The following CTDSP2 variants were observed in gnomAD, a reference collection of about 807,000 sequenced individuals.
CTDSP2 encodes the protein carboxy-terminal domain RNA polymerase II polypeptide A small phosphatase 2.
A neutral mutation model predicts 31.6 loss-of-function variants in CTDSP2; 9 were observed. That is an observed-to-expected ratio of 0.28 (90% confidence interval 0.17 to 0.50). The LOEUF (loss-of-function observed/expected upper bound fraction) is 0.50. Among genes scored for constraint, CTDSP2 ranks in the 20% least tolerant of loss-of-function variants. The pLI is 0.98. For synonymous variants in CTDSP2, 134 were observed against 134.5 expected (o/e 1.00, Z 0.03); for missense variants, 267 against 348.5 (o/e 0.77, Z 1.86).
rs373350059 is a variant in CTDSP2, at chr12:57,824,043, C to T, written c.551G>A (p.Arg184Gln). The T allele has an allele frequency of 2.0e-5, 33 of 1,614,054 alleles. No individual in the cohort carries two copies. The highest frequency in any genetic ancestry group is 2.8e-5 in the Non-Finnish European group (33 of 1,180,000). ...GCAAGACTCACGGAATAGGCGGGCC[C>T]GGAACACCCCACACCGGTCCAGCAG... ...TDLLDRCGVF[R>Q]ARLFRESCVF... The change falls in exon 7 of 8, where the codon CGG (arginine) becomes CAG (glutamine). Residue 184 changes from arginine to glutamine, a missense_variant. Physicochemically the swap from Arg to Gln is conservative, Grantham distance 43. Around this residue, in one of 2 missense-constraint regions of CTDSP2, gnomAD observed 156 missense variants for 241.3 expected, o/e 0.65. Transcript: ENST00000398073.
chr12:57,835,014 C>T (rs890884555), intron 1 of CTDSP2, among the ~76,000 whole-genome samples: 2 of 151,262 alleles, frequency 1.3e-5, no homozygotes, highest in East Asian at 1.9e-4. Context: ...CCCAGCTACT[C>T]GGGAGGCTGA....
At chr12:57,833,889 T>C (rs1261843846) in intron 1 of CTDSP2, among the ~76,000 whole-genome samples, 2 of 152,250 alleles carry the variant, frequency 1.3e-5, no homozygotes, top group East Asian at 3.8e-4. Flanking sequence ...AGGTCTGCGT[T>C]AGACACTTGA....
intron 1 of CTDSP2, among the ~76,000 whole-genome samples, chr12:57,834,144 C>T (rs1222448102): frequency 6.6e-6 from 1 of 152,072 alleles, no homozygotes; most frequent in Non-Finnish European, 1.5e-5. Flanking sequence ...TGTAGGGGCA[C>T]TCTCAAGGTC....
chr12:57,826,426 T>C (rs1243903478), intron 4 of CTDSP2, 24 bp from the exon 5 acceptor site: 1 of 1,612,936 alleles, frequency 6.2e-7, no homozygotes, highest in Non-Finnish European at 8.5e-7. Context: ...AAGTTAATGC[T>C]GTCAGCATGG....
At chr12:57,846,195 A>AC (rs1213868093) in intron 1 of CTDSP2, among the ~76,000 whole-genome samples, 177 bp downstream of exon 1, 2 of 151,666 alleles carry the variant, frequency 1.3e-5, no homozygotes, top group African/African-American at 4.9e-5. Flanking sequence ...TCCCCGTGCA[A>AC]CCCCCACGGA....
rs1424840470 is a variant in CTDSP2 at position 57,824,041 on chromosome 12, C to T, written c.553G>A (p.Ala185Thr). The T allele has an allele frequency of 1.2e-6, 2 of 1,614,068 alleles. No individual in the cohort carries two copies. Among genetic ancestry groups the T allele is most frequent in the East Asian group, 4.5e-5 (2 of 44,882 alleles). ...DLLDRCGVFRARLFRESCVFH... is the reference protein window; with the variant it reads ...DLLDRCGVFRTRLFRESCVFH... ...ACGCAAGACTCACGGAATAGGCGGG[C>T]CCGGAACACCCCACACCGGTCCAGC... Residue 185 changes from alanine to threonine, a missense_variant, in exon 7 of 8, where the codon GCC (alanine) becomes ACC (threonine). Physicochemically the swap from Ala to Thr is moderately conservative, Grantham distance 58. Transcript: ENST00000398073.
At position 57,828,617 on chromosome 12, in the gene CTDSP2, C is replaced by T. The variant is rs1595189196; in HGVS notation, c.213+831G>A. Among the ~76,000 whole-genome samples the T allele has an allele frequency of 3.9e-5, 6 of 152,334 alleles. No individual in the cohort carries two copies. The South Asian group carries it at 1.2e-3, about 32-fold the overall frequency. On this transcript the variant is annotated intron_variant, in intron 2 of 7. Coordinates refer to ENST00000398073, the MANE Select transcript of CTDSP2 (RefSeq NM_005730.4). ...CTTAATGTTGCAACTCAATACTTCT[C>T]CATGTTATTGAGAACTCTGTAAAAG...
At chr12:57,836,419 G>A (rs376958987) in intron 1 of CTDSP2, among the ~76,000 whole-genome samples, 89 of 152,264 alleles carry the variant, frequency 5.8e-4, no homozygotes, top group African/African-American at 2.1e-3. Context: ...CAGCACTTTG[G>A]GAAGCTGGGC....
At chr12:57,838,859 T>C (rs1956263827) in intron 1 of CTDSP2, among the ~76,000 whole-genome samples, 1 of 152,192 alleles carries the variant, frequency 6.6e-6, no homozygotes, top group Admixed American at 6.5e-5. Flanking sequence ...AACAAAAGCT[T>C]TGTAAGTGTC....
intron 1 of CTDSP2, 122 bp downstream of exon 1, chr12:57,846,250 G>A (rs1956315422): frequency 1.6e-5 from 14 of 871,886 alleles, no homozygotes; most frequent in Admixed American, 5.0e-5. Context: ...GACCGGAGGG[G>A]TCCAGTCGGG....
chr12:57,833,793 T>G (rs747497454), intron 1 of CTDSP2, among the ~76,000 whole-genome samples: 1 of 152,192 alleles, frequency 6.6e-6, no homozygotes, highest in African/African-American at 2.4e-5. Context: ...GAGAGGAAGG[T>G]GAGCACTGAG....
chr12:57,826,860 C>G, intron 4 of CTDSP2, 136 bp downstream of exon 4: 1 of 672,896 alleles, frequency 1.5e-6, no homozygotes, highest in South Asian at 1.9e-5. Context: ...CACAGGGTGG[C>G]CAAAATGCCA....
rs1168276394 is a variant in CTDSP2, at chr12:57,823,395, A to T, written c.*207T>A. 1 of 595,884 alleles carries T rather than the reference A, an allele frequency of 1.7e-6. No individual in the cohort carries two copies. Among genetic ancestry groups the T allele is most frequent in the Non-Finnish European group, 3.0e-6 (1 of 336,368 alleles). 36.9% of individuals were successfully genotyped at this position (595,884 alleles called of 1,614,324 possible). A position where few individuals can be genotyped will look rare whatever the true frequency, so the allele number is the denominator to read the frequency against. ...CTCACAGTCAAACACACATCTCAAC[A>T]AGTTGGCGGCAGGTAGCTCTGGGTA... On this transcript the variant is annotated 3_prime_UTR_variant, in exon 8 of 8. Transcript: ENST00000398073.
At chr12:57,826,900 C>A in intron 4 of CTDSP2, 96 bp downstream of exon 4, 1 of 988,124 alleles carries the variant, frequency 1.0e-6, no homozygotes, top group Non-Finnish European at 1.5e-6. Context: ...TCTAATCACT[C>A]TTCTTTCCTC....
Position 57,826,997 on chromosome 12 carries a change from TTAAAGGAGC to T in CTDSP2, c.344_352del (p.Ser115_Phe117del). 1 of 1,610,144 alleles carries T rather than the reference TTAAAGGAGC, an allele frequency of 6.2e-7. No homozygotes were observed. Among genetic ancestry groups the T allele is most frequent in the Non-Finnish European group, 8.5e-7 (1 of 1,177,198 alleles). Reference sequence around the variant, plus strand: ...GAAGGGTTCCAGACATTGAGTTACCTTAAAGGAGCTATGCACAAGGGTTTCATCGAGGTC... The same window carrying T: ...GAAGGGTTCCAGACATTGAGTTACCTTATGCACAAGGGTTTCATCGAGGTC... On this transcript the variant is annotated inframe_deletion and splice_region_variant, in exon 4 of 8. Transcript: ENST00000398073.
At chr12:57,825,184 G>T (rs868530582) in intron 5 of CTDSP2, among the ~76,000 whole-genome samples, 7 of 152,018 alleles carry the variant, frequency 4.6e-5, no homozygotes, top group Non-Finnish European at 1.0e-4. Context: ...CATTACTCCC[G>T]AGCTCAAAGA....
chr12:57,829,372 C>T (rs1252705273), intron 2 of CTDSP2, 76 bp downstream of exon 2: 19 of 1,529,190 alleles, frequency 1.2e-5, no homozygotes, highest in Middle Eastern at 2.2e-4. Context: ...CTTCCTTGTC[C>T]GGTTGCCATC....
intron 2 of CTDSP2, 104 bp from the exon 3 acceptor site, chr12:57,827,694 AC>A: frequency 9.0e-7 from 1 of 1,107,276 alleles, no homozygotes. Flanking sequence ...TCTCCCCCAG[AC>A]CCAGCCACCT....
intron 1 of CTDSP2, among the ~76,000 whole-genome samples, chr12:57,832,790 TAAAAAAAAAAAAAAA>T (rs61390174): frequency 6.7e-5 from 3 of 44,898 alleles, no homozygotes; most frequent in African/African-American, 8.6e-5. Context: ...AGACTCTGGC[TAAAAAAAAAAAAAAA>T]AAAAAAAAAA....
Sources: allele counts gnomAD v4.1 joint callset (sites outside exome capture counted in the v4.1 genomes callset), GRCh38; gene constraint gnomAD v4.1.1; regional missense constraint gnomAD v4.1.1; transcripts MANE v1.5; gene names NCBI Gene and HGNC (gene_info 2026-07-23, HGNC 2026-07-21).